The following DSP variants were observed in gnomAD, a reference collection of about 807,000 sequenced individuals.
DSP encodes the protein desmoplakin, also known as 250/210 kDa paraneoplastic pemphigus antigen.
A neutral mutation model predicts 290.6 loss-of-function variants in DSP; 114 were observed. The ratio of observed to expected loss-of-function variants is 0.39; its 90% CI spans 0.34 to 0.46. The LOEUF (loss-of-function observed/expected upper bound fraction) is 0.46, where lower values mean the gene tolerates loss of function less well. DSP is among the 20% of genes least tolerant of loss of function. The pLI, the probability that DSP is intolerant of heterozygous loss-of-function variation, is 0.99. For synonymous variants in DSP, 1,311 were observed against 1,316.4 expected, an observed-to-expected ratio of 1.00 and a Z score of 0.09; for missense variants, 3,230 against 3,495.8, an observed-to-expected ratio of 0.92 and a Z score of 1.92.
chr6:7,579,580 C>CT lies in DSP; in HGVS notation c.3390_3391insT (p.Arg1131Ter). 1 of 1,613,872 alleles carries CT rather than the reference C, an allele frequency of 6.2e-7. No homozygotes were observed. Among genetic ancestry groups the CT allele is most frequent in the Non-Finnish European group, 8.5e-7 (1 of 1,180,004 alleles). The stretch of plus-strand genomic sequence containing the variant: ...AGAGAAGAAGAAAATCTGTGGAAGA[C>CT]AGATTTGACCAACAGAAGAATGACT... On this transcript the variant is annotated frameshift_variant, in exon 23 of 24. Transcript: ENST00000379802. LOFTEE classifies it high-confidence loss of function. The surrounding 1 kb of genome is among the most constrained non-coding windows in gnomAD (Gnocchi z 4.1).
intron 15 of DSP, among the ~76,000 whole-genome samples, chr6:7,572,593 A>G (rs1030552894): frequency 4.6e-5 from 7 of 152,246 alleles, no homozygotes; most frequent in Non-Finnish European, 8.8e-5. Context: ...CAAGAAAGAA[A>G]TAGAAGGTCA....
chr6:7,572,060 G>A lies in DSP; in HGVS notation c.2122G>A (p.Glu708Lys), dbSNP rs773113261. The change falls in exon 15 of 24, where the codon GAG becomes AAG. Residue 708 changes from glutamate (E) to lysine (K), a missense_variant. By Grantham distance (56) the Glu-to-Lys change is moderately conservative. This residue lies in a region of DSP where 1,714 missense variants were observed against 1,844.5 expected (regional missense o/e 0.93). Coordinates refer to ENST00000379802, the MANE Select transcript of DSP (RefSeq NM_004415.4). ...TCACCACATCACAGTGAAAATTAAC[G>A]AGCTTAAGGTAGGTATCTGCTAGTA... Reference protein sequence around the residue: ...SSHHITVKINELKSVQNDSQA... With the variant: ...SSHHITVKINKLKSVQNDSQA... The A allele has an allele frequency of 1.7e-5, 27 of 1,613,752 alleles. No homozygotes were observed. Among genetic ancestry groups the A allele is most frequent in the Middle Eastern group, 1.6e-4 (1 of 6,080 alleles).
chr6:7,574,886 G>A (rs1759187600), intron 17 of DSP, 91 bp downstream of exon 17: 10 of 1,582,294 alleles, frequency 6.3e-6, no homozygotes, highest in Middle Eastern at 1.7e-4. Context: ...GTTTTCATGA[G>A]TTTTGAGGAT....
chr6:7,546,843 A>G (rs1758185054), intron 1 of DSP, among the ~76,000 whole-genome samples: 1 of 152,250 alleles, frequency 6.6e-6, no homozygotes, highest in African/African-American at 2.4e-5. Context: ...AGTCAGATCT[A>G]TTTAATGGGA....
At position 7,568,548 on chromosome 6, in the gene DSP, C is replaced by T. The variant is rs749422119; in HGVS notation, c.1378C>T (p.Pro460Ser). ...TAACCCAGACTACAGAAGCAATAAA[C>T]CCATTATTCTCAGAGCTCTCTGTGA... The part of the protein sequence containing the change: ...PRNPDYRSNK[P>S]IILRALCDYK... Residue 460 changes from proline to serine, a missense_variant, in exon 11 of 24, where the codon CCC (proline) becomes TCC (serine). This residue lies in a region of DSP where 646 missense variants were observed against 684.3 expected (regional missense o/e 0.94). Transcript: ENST00000379802. The T allele has an allele frequency of 1.2e-6, 2 of 1,614,034 alleles. No homozygotes were observed. Among genetic ancestry groups the T allele is most frequent in the East Asian group, 2.2e-5 (1 of 44,868 alleles).
intron 19 of DSP, 59 bp downstream of exon 19, chr6:7,576,515 T>C (rs1409314686): frequency 1.2e-6 from 2 of 1,602,900 alleles, no homozygotes; most frequent in Admixed American, 1.7e-5. Flanking sequence ...TAATTCATGT[T>C]TTCCTCTGGT....
At position 7,542,111 on chromosome 6, in the gene DSP, G is replaced by T. The variant is rs1418287672; in HGVS notation, c.170+26G>T. The T allele has an allele frequency of 2.6e-6, 4 of 1,551,836 alleles. No homozygotes were observed. The Admixed American group carries it at 7.8e-5, about 30-fold the overall frequency. On this transcript the variant is annotated intron_variant, in intron 1 of 23. Coordinates refer to ENST00000379802, the MANE Select transcript of DSP (RefSeq NM_004415.4). ...GTGGGTACCTGCCCGGAGAGCGCGGGCTGCGGGGCTCGCGGGACAGGGAGG... is the reference window on the plus strand; with the variant it reads ...GTGGGTACCTGCCCGGAGAGCGCGGTCTGCGGGGCTCGCGGGACAGGGAGG...
rs397516943 is a variant in DSP, at chr6:7,559,281, C to T, written c.478C>T (p.Arg160Ter). The stretch of plus-strand genomic sequence containing the variant: ...CCTTTATAAAGCCATCAGTGTCCCT[C>T]GAGTCCGCAGGGCCAGCTCCAAGGG... ...RALYKAISVPRVRRASSKGGG... is the reference protein window; with the variant it reads ...RALYKAISVP The change falls in exon 4 of 24, where the codon CGA becomes TGA. Residue 160 changes from arginine (R) to a stop codon, truncating the protein, a stop_gained. Transcript: ENST00000379802. LOFTEE classifies it high-confidence loss of function. The T allele has an allele frequency of 3.7e-6, 6 of 1,614,000 alleles. No individual in the cohort carries two copies. The highest frequency in any genetic ancestry group is 5.1e-6 in the Non-Finnish European group (6 of 1,180,046).
rs764993760 is a variant in DSP at position 7,555,803 on chromosome 6, G to C, written c.256G>C (p.Glu86Gln). 7.4e-6 allele frequency: 12 copies of C among 1,614,158 alleles called. No individual in the cohort carries two copies. The South Asian group carries it at 1.3e-4, about 18-fold the overall frequency. The part of the protein sequence containing the change: ...QNCSDCLMRA[E>Q]LIVQPELKYG... The stretch of plus-strand genomic sequence containing the variant: ...CTGCTCCGACTGCTTGATGCGAGCA[G>C]AGCTCATCGTGCAGCCTGTAAGCTT... Residue 86 changes from glutamate (E) to glutamine (Q), a missense_variant, in exon 2 of 24, where the codon GAG becomes CAG. Glu to Gln is a conservative substitution (Grantham distance 29, BLOSUM62 2). This residue lies in a region of DSP where 646 missense variants were observed against 684.3 expected (regional missense o/e 0.94). Coordinates refer to ENST00000379802, the MANE Select transcript of DSP (RefSeq NM_004415.4).
At chr6:7,575,221 A>G (rs930469369) in intron 17 of DSP, 74 bp from the exon 18 acceptor site, 26 of 1,512,882 alleles carry the variant, frequency 1.7e-5, no homozygotes, top group African/African-American at 1.7e-4. Context: ...TTGCCGCCCA[A>G]TTTGGTGACT....
chr6:7,548,005 C>G (rs1436429830), intron 1 of DSP, among the ~76,000 whole-genome samples: 1 of 152,138 alleles, frequency 6.6e-6, no homozygotes, highest in Non-Finnish European at 1.5e-5. Flanking sequence ...CGCGGTGGCT[C>G]ACGCCTGTAA....
rs1759558434 is a variant in DSP at position 7,584,353 on chromosome 6, G to T, written c.7091G>T (p.Gly2364Val). Reference sequence around the variant, plus strand: ...AAGGAACTCATCGAAAAGGGCCACGGTATTCGCTTATTAGAAGCACAGATC... The same window carrying T: ...AAGGAACTCATCGAAAAGGGCCACGTTATTCGCTTATTAGAAGCACAGATC... ...MNKELIEKGH[G>V]IRLLEAQIAT... The change falls in exon 24 of 24, where the codon GGT (glycine) becomes GTT (valine). Residue 2364 changes from glycine to valine, a missense_variant. Gly to Val is a moderately radical substitution (Grantham distance 109). Around this residue, in one of 5 missense-constraint regions of DSP, gnomAD observed 207 missense variants for 281.2 expected, o/e 0.74. Coordinates refer to ENST00000379802, the MANE Select transcript of DSP (RefSeq NM_004415.4). This position sits in a 1 kb window ranked among gnomAD's most constrained non-coding sequence, Gnocchi z 6.4. 6.2e-7 allele frequency: 1 copy of T among 1,614,144 alleles called. No individual in the cohort carries two copies. Among genetic ancestry groups the T allele is most frequent in the South Asian group, 1.1e-5 (1 of 91,076 alleles).
Position 7,585,358 on chromosome 6 carries a change from A to C in DSP, c.8096A>C (p.Glu2699Ala). 1 of 1,614,068 alleles carries C rather than the reference A, an allele frequency of 6.2e-7. No individual in the cohort carries two copies. The highest frequency in any genetic ancestry group is 8.5e-7 in the Non-Finnish European group (1 of 1,179,976). Residue 2699 changes from glutamate to alanine, a missense_variant, in exon 24 of 24, where the codon GAG (glutamate) becomes GCG (alanine). Physicochemically the swap from Glu to Ala is moderately radical, Grantham distance 107 (BLOSUM62 -1). Around this residue, in one of 5 missense-constraint regions of DSP, gnomAD observed 582 missense variants for 555.4 expected, o/e 1.05. Transcript: ENST00000379802. ...KPAQKAFIGF[E>A]GVKGKKKMSA... is the part of the protein sequence containing the mutation. ...GCTCAGAAAGCCTTCATAGGCTTCG[A>C]GGGTGTGAAGGGAAAGAAGAAGATG...
chr6:7,573,921 CAA>C (rs1218232928), intron 15 of DSP, among the ~76,000 whole-genome samples, 163 bp from the exon 16 acceptor site: 1 of 151,898 alleles, frequency 6.6e-6, no homozygotes, highest in Non-Finnish European at 1.5e-5. Context: ...ACCACACATA[CAA>C]AAAAAGATAA....
rs150422458 is a variant in DSP, at chr6:7,567,846, G to A, written c.1206G>A (p.Lys402=). 4,579 of 1,614,098 alleles carry A rather than the reference G, an allele frequency of 2.8e-3. 8 individuals are homozygous for A. Among genetic ancestry groups the A allele is most frequent in the Non-Finnish European group, 3.6e-3 (4,291 of 1,179,986 alleles). Residue 402 remains lysine (K), a synonymous_variant, in exon 10 of 24, where the codon AAG becomes AAA. Coordinates refer to ENST00000379802, the MANE Select transcript of DSP (RefSeq NM_004415.4). ...LKGLQDSIRK[K]YPCDKNMPLQ... ...GGCTCCAGGACTCCATCAGGAAGAA[G>A]TACCCCTGCGACAAGAACATGCCCC...
chr6:7,575,660 G>A (rs1402525972), intron 18 of DSP, among the ~76,000 whole-genome samples, 172 bp downstream of exon 18: 1 of 152,176 alleles, frequency 6.6e-6, no homozygotes, highest in Non-Finnish European at 1.5e-5. Flanking sequence ...GTTAGAAATG[G>A]AAGGAGAATG....
intron 11 of DSP, 43 bp from the exon 12 acceptor site, chr6:7,569,143 T>C: frequency 6.2e-7 from 1 of 1,613,366 alleles, no homozygotes; most frequent in African/African-American, 1.3e-5. Flanking sequence ...TAAAAACACA[T>C]ACTTATGAAT....
Position 7,583,743 on chromosome 6 carries a change from T to C in DSP, c.6481T>C (p.Ser2161Pro). The change falls in exon 24 of 24, where the codon TCC becomes CCC. Residue 2161 changes from serine to proline, a missense_variant. By Grantham distance (74) the Ser-to-Pro change is moderately conservative. Coordinates refer to ENST00000379802, the MANE Select transcript of DSP (RefSeq NM_004415.4). The surrounding 1 kb of genome is among the most constrained non-coding windows in gnomAD (Gnocchi z 4.0). Reference protein sequence around the residue: ...RGLIDRDLYRSLNDPRDSQKN... With the variant: ...RGLIDRDLYRPLNDPRDSQKN... ...GCTGATTGATAGAGATTTGTATCGA[T>C]CCCTGAATGATCCCCGAGATAGTCA... The C allele has an allele frequency of 6.2e-7, 1 of 1,614,068 alleles. No individual in the cohort carries two copies. The highest frequency in any genetic ancestry group is 2.2e-5 in the East Asian group (1 of 44,870).
intron 1 of DSP, among the ~76,000 whole-genome samples, chr6:7,545,009 T>C (rs752953336): frequency 9.9e-5 from 15 of 152,186 alleles, no homozygotes; most frequent in Non-Finnish European, 1.9e-4. Context: ...ATTCCTGTCA[T>C]TAAAACAAAT....
Sources: allele counts gnomAD v4.1 joint callset (sites outside exome capture counted in the v4.1 genomes callset), GRCh38; gene constraint gnomAD v4.1.1; regional missense constraint gnomAD v4.1.1; non-coding constraint Gnocchi (gnomAD v3.1); transcripts MANE v1.5; gene names NCBI Gene and HGNC (gene_info 2026-07-23, HGNC 2026-07-21).